DNAH6: variants seen among roughly 807,000 people sequenced by gnomAD.
DNAH6 encodes dynein axonemal heavy chain 6.
Under a neutral mutation model 491.4 loss-of-function variants are expected in DNAH6, and 340 were observed. That is an observed-to-expected ratio of 0.69 (90% CI 0.63 to 0.76). DNAH6 has a LOEUF of 0.76. Among genes scored for constraint, DNAH6 ranks in the 30% least tolerant of loss-of-function variants. DNAH6 has a pLI of 0.00. For missense variants in DNAH6, 4,443 were observed against 4,972.2 expected (o/e 0.89, Z 3.20); for synonymous variants, 1,603 against 1,686.1 (o/e 0.95, Z 1.21).
At chr2:84,653,990 T>C in intron 34 of DNAH6, 116 bp downstream of exon 34, 1 of 828,954 alleles carries the variant, frequency 1.2e-6, no homozygotes, top group Non-Finnish European at 1.8e-6. Flanking sequence ...TATTGTGTTC[T>C]GTTTACTTAC....
rs892574853 is a variant in DNAH6, at chr2:84,708,267, G to A, written c.9048+551G>A. ...AGCCTGGCCAACACTGTGAAACCTC[G>A]TCTCTACTAAAAAAAAAAAATACAA... On this transcript the variant is annotated intron_variant, in intron 54 of 76. Coordinates refer to ENST00000389394, the MANE Select transcript of DNAH6 (RefSeq NM_001370.2). 7.3e-5 allele frequency among the ~76,000 whole-genome samples: 11 copies of A among 150,844 alleles called. No homozygotes were observed. In the East Asian group the frequency reaches 1.2e-3, roughly 16 times the overall value.
chr2:84,609,439 T>C (rs2104323466), intron 21 of DNAH6, among the ~76,000 whole-genome samples: 2 of 152,228 alleles, frequency 1.3e-5, no homozygotes, highest in Middle Eastern at 6.8e-3. Context: ...CATTGTAGTG[T>C]TATTAATTGG....
the DNAH6 span, among the ~76,000 whole-genome samples, chr2:84,509,580 G>C: frequency 2.0e-5 from 3 of 152,070 alleles, no homozygotes; most frequent in South Asian, 4.1e-4. Context: ...TTACATTTAA[G>C]GTTAATATTG....
chr2:84,806,967 A>G (rs1417691626), intron 71 of DNAH6, among the ~76,000 whole-genome samples: 2 of 152,218 alleles, frequency 1.3e-5, no homozygotes, highest in South Asian at 2.1e-4. Flanking sequence ...TGGTTGGGAA[A>G]AGGATGGAGA....
At chr2:84,585,373 T>G (rs1683432867) in intron 15 of DNAH6, among the ~76,000 whole-genome samples, 1 of 152,164 alleles carries the variant, frequency 6.6e-6, no homozygotes, top group Non-Finnish European at 1.5e-5. Flanking sequence ...GCCTAAGTTC[T>G]TGCCCTGCAT....
At chr2:84,477,368 A>G in the DNAH6 span, among the ~76,000 whole-genome samples, 1 of 152,324 alleles carries the variant, frequency 6.6e-6, no homozygotes, top group East Asian at 1.9e-4. Context: ...TCCAGAGGAC[A>G]TTATGTCAGA....
chr2:84,685,650 T>C (rs1451977453), intron 43 of DNAH6, among the ~76,000 whole-genome samples, 178 bp downstream of exon 43: 1 of 152,036 alleles, frequency 6.6e-6, no homozygotes, highest in Non-Finnish European at 1.5e-5. Flanking sequence ...AATAATTTTA[T>C]TAAAATTCAG....
chr2:84,692,428 GATA>G (rs1694951875), intron 45 of DNAH6, among the ~76,000 whole-genome samples: 1 of 44,950 alleles, frequency 2.2e-5, no homozygotes, highest in South Asian at 6.5e-4. Flanking sequence ...TAGATAGATA[GATA>G]GATAGATAGA....
chr2:84,476,199 C>T, the DNAH6 span, among the ~76,000 whole-genome samples: 1 of 152,194 alleles, frequency 6.6e-6, no homozygotes, highest in East Asian at 1.9e-4. Context: ...TGACTAATGG[C>T]TTGAATTCCT....
At position 84,694,419 on chromosome 2, in the gene DNAH6, A is replaced by T. The variant is rs1202128063; in HGVS notation, c.7463A>T (p.Lys2488Met). 3 of 1,552,244 alleles carry T rather than the reference A, an allele frequency of 1.9e-6. No individual in the cohort carries two copies. Among genetic ancestry groups the T allele is most frequent in the Non-Finnish European group, 2.6e-6 (3 of 1,147,104 alleles). Residue 2488 changes from lysine to methionine, a missense_variant, in exon 46 of 77, where the codon AAG becomes ATG. By Grantham distance (95) the Lys-to-Met change is moderately conservative. Coordinates refer to ENST00000389394, the MANE Select transcript of DNAH6 (RefSeq NM_001370.2). The part of the protein sequence containing the change: ...NYDSFHEDLR[K>M]LYKMAGVEDK... ...GATAGTTTTCATGAAGACCTGAGGA[A>T]GTTGTACAAAATGGCTGGTGTAGAA...
chr2:84,601,199 G>T (rs574606183), intron 18 of DNAH6, among the ~76,000 whole-genome samples: 9 of 148,158 alleles, frequency 6.1e-5, no homozygotes, highest in Admixed American at 2.0e-4. Flanking sequence ...TATCAAAAGG[G>T]CAAGGAAGAC....
intron 11 of DNAH6, among the ~76,000 whole-genome samples, chr2:84,565,310 A>G (rs1370104059): frequency 7.0e-6 from 1 of 142,864 alleles, no homozygotes; most frequent in East Asian, 2.1e-4. Context: ...TTTGACTGTG[A>G]ATCCATCTGG....
At chr2:84,597,293 C>G (rs551131334) in intron 18 of DNAH6, among the ~76,000 whole-genome samples, 1 of 152,136 alleles carries the variant, frequency 6.6e-6, no homozygotes, top group East Asian at 1.9e-4. Flanking sequence ...GACAAATAAC[C>G]CTTTAAAATG....
At chr2:84,604,243 T>A (rs1440950971) in intron 18 of DNAH6, 96 bp from the exon 19 acceptor site, 1 of 943,764 alleles carries the variant, frequency 1.1e-6, no homozygotes, top group Non-Finnish European at 1.6e-6. Flanking sequence ...GTGGTGCTCT[T>A]TTCCAGCTCT....
At chr2:84,501,877 C>CT in the DNAH6 span, among the ~76,000 whole-genome samples, 1,717 of 151,536 alleles carry the variant, frequency 0.011, 31 homozygotes, top group African/African-American at 0.04. Context: ...GTAATGTCAC[C>CT]TTTTTTTATT....
intron 15 of DNAH6, chr2:84,584,938 G>A (rs926333680): frequency 2.0e-5 from 3 of 152,230 alleles, no homozygotes. Flanking sequence ...ATAATTGGTA[G>A]TGAAGAATAT....
chr2:84,701,975 A>G (rs1052078640), intron 49 of DNAH6, among the ~76,000 whole-genome samples: 1 of 152,148 alleles, frequency 6.6e-6, no homozygotes, highest in Non-Finnish European at 1.5e-5. Context: ...TCCTTCTGCC[A>G]TTTATGCAAG....
In DNAH6 at chr2:84,813,961, A is replaced by G. The variant is rs950802340; in HGVS notation, c.11999-10A>G. 5 of 1,551,524 alleles carry G rather than the reference A, an allele frequency of 3.2e-6. No individual in the cohort carries two copies. In the South Asian group the frequency reaches 4.8e-5, roughly 15 times the overall value. Reference sequence around the variant, plus strand: ...GTTTGAACGCAGCTTTCCGATTTTCACAATTACAGGAACTCTTCAAAATCA... The same window carrying G: ...GTTTGAACGCAGCTTTCCGATTTTCGCAATTACAGGAACTCTTCAAAATCA... On this transcript the variant is annotated splice_polypyrimidine_tract_variant and intron_variant, in intron 74 of 76. Coordinates refer to ENST00000389394, the MANE Select transcript of DNAH6 (RefSeq NM_001370.2).
Position 84,547,378 on chromosome 2 carries a change from C to T in DNAH6, c.1041C>T (p.Ala347=), listed in dbSNP as rs751518371. 38 of 1,551,494 alleles carry T rather than the reference C, an allele frequency of 2.4e-5. No individual in the cohort carries two copies. The highest frequency in any genetic ancestry group is 7.9e-5 in the Admixed American group (4 of 50,952). Residue 347 remains alanine, a synonymous_variant, in exon 6 of 77, where the codon GCC becomes GCT. Coordinates refer to ENST00000389394, the MANE Select transcript of DNAH6 (RefSeq NM_001370.2). The part of the protein sequence containing the change: ...CHTYTLQEFK[A]AQVIRLAEVT... ...CCTACACCCTGCAGGAATTTAAGGCCGCACAAGTCATACGGCTAGCAGAGG... is the reference window on the plus strand; with the variant it reads ...CCTACACCCTGCAGGAATTTAAGGCTGCACAAGTCATACGGCTAGCAGAGG...
Sources: allele counts gnomAD v4.1 joint callset (sites outside exome capture counted in the v4.1 genomes callset), GRCh38; gene constraint gnomAD v4.1.1; transcripts MANE v1.5; gene names NCBI Gene and HGNC (gene_info 2026-07-23, HGNC 2026-07-21).